Variants in HAUS2 observed in about 807,000 individuals in gnomAD.
The protein encoded by HAUS2 is HAUS augmin like complex subunit 2.
A neutral mutation model predicts 21.6 loss-of-function variants in HAUS2; 20 were observed. That is an observed-to-expected ratio of 0.93 (90% CI 0.65 to 1.35). The LOEUF is 1.35. Ranked by LOEUF, HAUS2 falls within the 40% of genes most tolerant of loss-of-function variation. The pLI is 0.00. For missense variants in HAUS2, 297 were observed against 280.7 expected (o/e 1.06, Z -0.42); for synonymous variants, 113 against 95.6 (o/e 1.18, Z -1.06).
chr15:42,554,542 G>A (rs2057753446), intron 1 of HAUS2, among the ~76,000 whole-genome samples: 1 of 150,682 alleles, frequency 6.6e-6, no homozygotes, highest in African/African-American at 2.4e-5. Flanking sequence ...TCAGGCTGGA[G>A]TGCAGTAGTG....
At chr15:42,550,829 C>T (rs2057718207) in intron 1 of HAUS2, among the ~76,000 whole-genome samples, 1 of 151,914 alleles carries the variant, frequency 6.6e-6, no homozygotes, top group African/African-American at 2.4e-5. Context: ...CCACCTCACC[C>T]GGCTAATTTT....
Position 42,559,360 on chromosome 15 carries a change from C to T in HAUS2, c.208C>T (p.Leu70=). The T allele has an allele frequency of 6.2e-7, 1 of 1,605,466 alleles. No homozygotes were observed. Among genetic ancestry groups the T allele is most frequent in the Non-Finnish European group, 8.5e-7 (1 of 1,172,222 alleles). ...GTAGAAAAACCTGGAAATTGAACTCCTGAAACTAGAAAAAGATACAGCAGA... is the reference window on the plus strand; with the variant it reads ...GTAGAAAAACCTGGAAATTGAACTCTTGAAACTAGAAAAAGATACAGCAGA... ...IYQKNLEIEL[L]KLEKDTADVV... Residue 70 remains leucine (L), a synonymous_variant, in exon 3 of 6, where the codon CTG becomes TTG. Coordinates refer to ENST00000260372, the MANE Select transcript of HAUS2 (RefSeq NM_018097.3).
intron 1 of HAUS2, among the ~76,000 whole-genome samples, chr15:42,557,521 A>G (rs1056875994): frequency 1.2e-4 from 3 of 25,138 alleles, no homozygotes; most frequent in Non-Finnish European, 3.1e-4. Flanking sequence ...TATTATATAT[A>G]TATGAAGTTC....
intron 3 of HAUS2, 78 bp from the exon 4 acceptor site, chr15:42,561,192 T>C: frequency 1.1e-6 from 1 of 927,114 alleles, no homozygotes; most frequent in African/African-American, 1.6e-5. Context: ...ATGGGTAGTG[T>C]CAAACCAAGG....
At chr15:42,558,576 C>G (rs1015974177) in intron 2 of HAUS2, among the ~76,000 whole-genome samples, 4 of 152,020 alleles carry the variant, frequency 2.6e-5, no homozygotes, top group African/African-American at 9.7e-5. Context: ...ATCTGCCCGC[C>G]TCGGCCTCCC....
At chr15:42,553,341 C>A (rs1595546467) in intron 1 of HAUS2, among the ~76,000 whole-genome samples, 1 of 152,066 alleles carries the variant, frequency 6.6e-6, no homozygotes, top group Non-Finnish European at 1.5e-5. Context: ...AACAGAAATA[C>A]CCTGAATAGA....
chr15:42,565,728 A>G (rs931669769), intron 5 of HAUS2, among the ~76,000 whole-genome samples: 1 of 152,176 alleles, frequency 6.6e-6, no homozygotes, highest in Non-Finnish European at 1.5e-5. Flanking sequence ...AAACCTGGAG[A>G]CTAATTACCG....
At position 42,558,402 on chromosome 15, in the gene HAUS2, A is replaced by G. The variant is rs567396593; in HGVS notation, c.186+112A>G. The G allele has an allele frequency of 6.7e-4, 370 of 548,956 alleles. 2 individuals carry two copies. The African/African-American group carries it at 7.5e-3, about 11-fold the overall frequency. The allele number at this position is 548,956 out of a possible 1,614,324, so 34.0% of individuals were successfully genotyped here. ...GAGTGCAGTGGCACAATCTCGGCTC[A>G]CTGCAAACTCCGCCTCCCAGGTTCA... is the stretch of plus-strand genomic sequence containing the variant. On this transcript the variant is annotated intron_variant, in intron 2 of 5. Transcript: ENST00000260372.
rs908117591 is a variant in HAUS2, at chr15:42,549,065, G to A, written c.93+100G>A. ...TGGCTGTGGGAGTGGTGAGGGTCCT[G>A]GTTGGGGTCTGTACTAGAGTAATAA... is the stretch of plus-strand genomic sequence containing the variant. On this transcript the variant is annotated intron_variant, in intron 1 of 5. Transcript: ENST00000260372. 5.2e-6 allele frequency: 4 copies of A among 774,896 alleles called. No homozygotes were observed. The East Asian group carries it at 8.0e-5, about 16-fold the overall frequency. 48.0% of individuals were successfully genotyped at this position (774,896 alleles called of 1,614,324 possible). A position where few individuals can be genotyped will look rare whatever the true frequency, so the allele number is the denominator to read the frequency against.
chr15:42,553,251 C>T (rs2057742859), intron 1 of HAUS2, among the ~76,000 whole-genome samples: 4 of 152,066 alleles, frequency 2.6e-5, no homozygotes, highest in Admixed American at 2.6e-4. Context: ...TCCCAAAGTG[C>T]TGGGATTACA....
chr15:42,562,943 T>C (rs2057865763), intron 4 of HAUS2, among the ~76,000 whole-genome samples: 2 of 151,976 alleles, frequency 1.3e-5, no homozygotes, highest in African/African-American at 4.8e-5. Flanking sequence ...CAAAACCCTG[T>C]GTCTACTAAA....
At chr15:42,556,389 G>A (rs952288426) in intron 1 of HAUS2, among the ~76,000 whole-genome samples, 4 of 144,270 alleles carry the variant, frequency 2.8e-5, no homozygotes, top group Non-Finnish European at 6.0e-5. Context: ...TCAGCCTCCC[G>A]AGTAGCTGGG....
In HAUS2 at chr15:42,563,763, T is replaced by C; in HGVS notation, c.404T>C (p.Leu135Ser). 6.5e-7 allele frequency: 1 copy of C among 1,542,430 alleles called. No homozygotes were observed. Among genetic ancestry groups the C allele is most frequent in the Non-Finnish European group, 8.9e-7 (1 of 1,117,444 alleles). ...EAVYHRYMVH[L>S]LELAVTFIER... ...TTCTCTTTCAGATATATGGTACATT[T>C]GCTGGAGTTGGCTGTGACTTTCATT... Residue 135 changes from leucine (L) to serine (S), a missense_variant, in exon 5 of 6, where the codon TTG (leucine) becomes TCG (serine). Transcript: ENST00000260372.
chr15:42,550,574 C>T (rs1202288335), intron 1 of HAUS2, among the ~76,000 whole-genome samples: 1 of 152,184 alleles, frequency 6.6e-6, no homozygotes, highest in African/African-American at 2.4e-5. Context: ...CACCCATTGT[C>T]TGGGTGATGG....
intron 1 of HAUS2, among the ~76,000 whole-genome samples, chr15:42,550,146 C>G (rs944139798): frequency 6.6e-6 from 1 of 152,062 alleles, no homozygotes; most frequent in Non-Finnish European, 1.5e-5. Flanking sequence ...CACCTGTAGT[C>G]CCAACTACTC....
intron 4 of HAUS2, among the ~76,000 whole-genome samples, chr15:42,563,410 CAAAA>C (rs745358598): frequency 1.7e-5 from 1 of 59,346 alleles, no homozygotes; most frequent in African/African-American, 6.2e-5. Flanking sequence ...GACTCCATCT[CAAAA>C]AAAAAAAAAA....
rs767547002 is a variant in HAUS2 at position 42,566,757 on chromosome 15, A to G, written c.649A>G (p.Ile217Val). 1 of 1,559,588 alleles carries G rather than the reference A, an allele frequency of 6.4e-7. No individual in the cohort carries two copies. Among genetic ancestry groups the G allele is most frequent in the Non-Finnish European group, 8.8e-7 (1 of 1,130,482 alleles). ...AAGTTATCTTTATAAACATGATATT[A>G]TAATGCCTCCTTTACCTTTTACTTC... ...EESYLYKHDI[I>V]MPPLPFTSKV... Residue 217 changes from isoleucine (I) to valine (V), a missense_variant, in exon 6 of 6, where the codon ATA becomes GTA. Ile to Val is a conservative substitution (Grantham distance 29, BLOSUM62 3). Transcript: ENST00000260372.
At chr15:42,549,765 C>CAAAAAA (rs58614126) in intron 1 of HAUS2, among the ~76,000 whole-genome samples, 9 of 58,080 alleles carry the variant, frequency 1.5e-4, no homozygotes, top group Non-Finnish European at 2.4e-4. Context: ...TCTTTAAAGG[C>CAAAAAA]AAAAAAAAAA....
intron 5 of HAUS2, among the ~76,000 whole-genome samples, chr15:42,566,212 AAAG>A (rs2057905193): frequency 6.6e-6 from 1 of 152,094 alleles, no homozygotes; most frequent in Non-Finnish European, 1.5e-5. Context: ...AAAAAAAAAA[AAAG>A]AGGTTAGTAA....
Sources: allele counts gnomAD v4.1 joint callset (sites outside exome capture counted in the v4.1 genomes callset), GRCh38; gene constraint gnomAD v4.1.1; transcripts MANE v1.5; gene names NCBI Gene and HGNC (gene_info 2026-07-23, HGNC 2026-07-21).